KIF4A: variants seen among roughly 807,000 people sequenced by gnomAD.
KIF4A encodes the protein chromosome-associated kinesin KIF4A.
In KIF4A, 7 loss-of-function variants were observed where a neutral mutation model predicts 105.9. The observed-to-expected ratio is 0.07, with a 90% CI of 0.04 to 0.12. The LOEUF (loss-of-function observed/expected upper bound fraction) is 0.12, where lower values mean the gene tolerates loss of function less well. KIF4A is among the 10% of genes least tolerant of loss of function. KIF4A has a pLI of 1.00. For synonymous variants in KIF4A, 281 were observed against 331.3 expected (o/e 0.85, Z 1.65); for missense variants, 558 against 929.2 (o/e 0.60, Z 5.19).
chrX:70,312,553 A>G (rs373959649), intron 7 of KIF4A, among the ~76,000 whole-genome samples: 4 of 112,207 alleles, frequency 3.6e-5, no homozygotes, highest in African/African-American at 6.5e-5. Flanking sequence ...AGAATTTCCC[A>G]TAGTGTGAAT....
At chrX:70,390,482 G>A (rs1392985147) in intron 20 of KIF4A, among the ~76,000 whole-genome samples, 2 of 111,158 alleles carry the variant, frequency 1.8e-5, no homozygotes, top group East Asian at 2.8e-4. Context: ...TTTAGCTTGC[G>A]AAGTTTTTAT....
At chrX:70,393,098 A>G (rs891976882) in intron 20 of KIF4A, among the ~76,000 whole-genome samples, 1 of 110,004 alleles carries the variant, frequency 9.1e-6, no homozygotes, top group African/African-American at 3.3e-5. Flanking sequence ...TATTCCTTTA[A>G]CAACATCCCA....
In KIF4A at chrX:70,417,994, A is replaced by T. The variant is rs1377145177; in HGVS notation, c.3362A>T (p.Gln1121Leu). ...CCDPTKCRNR[Q>L]QGKDSLGTVE... is the part of the protein sequence containing the mutation. ...GACCCCACAAAGTGTCGGAACCGCC[A>T]GCAAGGCAAGGTAGGATCAGGGCTG... Residue 1121 changes from glutamine (Q) to leucine (L), a missense_variant, in exon 29 of 31, where the codon CAG (glutamine) becomes CTG (leucine). Around this residue, in one of 2 missense-constraint regions of KIF4A, gnomAD observed 469 missense variants for 680.4 expected, o/e 0.69. Transcript: ENST00000374403. 1 of 1,207,290 alleles carries T rather than the reference A, an allele frequency of 8.3e-7. No individual in the cohort carries two copies. The highest frequency in any genetic ancestry group is 1.1e-6 in the Non-Finnish European group (1 of 892,663).
chrX:70,375,137 A>G, intron 16 of KIF4A, 67 bp from the exon 17 acceptor site: 3 of 1,120,317 alleles, frequency 2.7e-6, no homozygotes, highest in Non-Finnish European at 2.4e-6. Flanking sequence ...CTGGGAGTCT[A>G]GTATTATGTC....
chrX:70,400,020 CTCTT>C (rs1289669174), intron 22 of KIF4A, among the ~76,000 whole-genome samples: 3 of 104,491 alleles, frequency 2.9e-5, no homozygotes, highest in African/African-American at 7.1e-5. Flanking sequence ...TTGCAACTAA[CTCTT>C]TTTTTTTTTT....
intron 20 of KIF4A, among the ~76,000 whole-genome samples, chrX:70,391,429 A>C (rs1365252532): frequency 9.0e-6 from 1 of 111,601 alleles, no homozygotes; most frequent in Non-Finnish European, 1.9e-5. Flanking sequence ...GATGAATAGG[A>C]GTGGTGAGAA....
chrX:70,368,460 T>A (rs1006486859), intron 15 of KIF4A, among the ~76,000 whole-genome samples: 1 of 112,432 alleles, frequency 8.9e-6, no homozygotes, highest in Middle Eastern at 4.3e-3. Flanking sequence ...TTAGTTTTCC[T>A]TGTAACAGTC....
At chrX:70,380,982 C>T (rs904776467) in intron 18 of KIF4A, among the ~76,000 whole-genome samples, 1 of 110,140 alleles carries the variant, frequency 9.1e-6, no homozygotes, top group African/African-American at 3.3e-5. Flanking sequence ...AACCCCGTCT[C>T]TACTAAAAAT....
At chrX:70,319,218 G>A (rs979105283) in intron 7 of KIF4A, among the ~76,000 whole-genome samples, 3 of 111,613 alleles carry the variant, frequency 2.7e-5, no homozygotes, top group African/African-American at 9.8e-5. Flanking sequence ...AGCCGGGATT[G>A]CACCACTGCA....
chrX:70,380,171 G>A (rs1369881963), intron 18 of KIF4A, among the ~76,000 whole-genome samples: 1 of 111,217 alleles, frequency 9.0e-6, no homozygotes, highest in African/African-American at 3.3e-5. Context: ...AGCTGAGCAT[G>A]GTGGCATGTG....
chrX:70,367,894 GAC>G (rs2086111656), intron 15 of KIF4A, among the ~76,000 whole-genome samples: 2 of 112,008 alleles, frequency 1.8e-5, no homozygotes, highest in Non-Finnish European at 3.8e-5. Flanking sequence ...ACACCAATCA[GAC>G]ATAGATTTGG....
Position 70,333,619 on chromosome X carries a change from T to C in KIF4A, c.1072-9T>C. On this transcript the variant is annotated splice_polypyrimidine_tract_variant and intron_variant, in intron 9 of 30. Coordinates refer to ENST00000374403, the MANE Select transcript of KIF4A (RefSeq NM_012310.5). ...TGACTAGCTGATTATTTTTCTTTGC[T>C]TCTCCCAGGTACAACAGCTACAAGT... The C allele has an allele frequency of 8.4e-7, 1 of 1,194,733 alleles. No individual in the cohort carries two copies. The highest frequency in any genetic ancestry group is 1.1e-6 in the Non-Finnish European group (1 of 880,319).
At chrX:70,368,695 C>T (rs964009269) in intron 15 of KIF4A, among the ~76,000 whole-genome samples, 2 of 112,158 alleles carry the variant, frequency 1.8e-5, no homozygotes, top group Non-Finnish European at 3.8e-5. Context: ...ACTCAGGGGT[C>T]AGGGACCCAC....
chrX:70,361,031 G>A (rs1011759907), intron 15 of KIF4A, among the ~76,000 whole-genome samples: 1 of 112,646 alleles, frequency 8.9e-6, no homozygotes, highest in African/African-American at 3.2e-5. Context: ...CAGCCCACCC[G>A]TTCAGCCAAT....
rs528982463 is a variant in KIF4A at position 70,300,726 on chromosome X, C to T, written c.517-1174C>T. 1.4e-3 allele frequency among the ~76,000 whole-genome samples: 153 copies of T among 111,529 alleles called. 2 individuals carry two copies. The South Asian group carries it at 0.054, about 40-fold the overall frequency. On this transcript the variant is annotated intron_variant, in intron 5 of 30. Transcript: ENST00000374403. ...TGAGGGATTACTGTGGCTACTTTTA[C>T]CAAGTTTTTATCTTATGTGTGTATC...
intron 20 of KIF4A, among the ~76,000 whole-genome samples, chrX:70,391,363 A>T (rs778655286): frequency 9.0e-6 from 1 of 111,675 alleles, no homozygotes; most frequent in East Asian, 2.8e-4. Context: ...TCTAATCTGT[A>T]TGTCTATCAT....
At chrX:70,299,668 G>A (rs751364907) in intron 5 of KIF4A, among the ~76,000 whole-genome samples, 41 of 111,571 alleles carry the variant, frequency 3.7e-4, no homozygotes, top group African/African-American at 1.1e-3. Flanking sequence ...ATTTTCTTCT[G>A]GGTCATTGTT....
chrX:70,368,371 T>C, intron 15 of KIF4A, among the ~76,000 whole-genome samples: 1 of 111,984 alleles, frequency 8.9e-6, no homozygotes, highest in Admixed American at 9.5e-5. Context: ...TTCCCCACCT[T>C]TGTGGTTTTT....
At chrX:70,293,053 A>G (rs1483666037) in intron 3 of KIF4A, among the ~76,000 whole-genome samples, 1 of 112,069 alleles carries the variant, frequency 8.9e-6, no homozygotes, top group East Asian at 2.8e-4. Flanking sequence ...TGCTATCTGC[A>G]CATATCTGTG....
Sources: allele counts gnomAD v4.1 joint callset (sites outside exome capture counted in the v4.1 genomes callset), GRCh38; gene constraint gnomAD v4.1.1; regional missense constraint gnomAD v4.1.1; transcripts MANE v1.5; gene names NCBI Gene and HGNC (gene_info 2026-07-23, HGNC 2026-07-21).